HS2ST1: variants seen among roughly 807,000 people sequenced by gnomAD.
The protein encoded by HS2ST1 is 2-O-sulfotransferase.
In HS2ST1, 18 loss-of-function variants were observed where a neutral mutation model predicts 42.9. That is an observed-to-expected ratio of 0.42 (90% CI 0.29 to 0.62). The LOEUF is 0.62. HS2ST1 is among the 20% of genes least tolerant of loss of function. HS2ST1 has a pLI of 0.21. For synonymous variants in HS2ST1, 146 were observed against 152.9 expected (o/e 0.95, Z 0.33); for missense variants, 334 against 433.8 (o/e 0.77, Z 2.04).
At chr1:87,026,896 A>G (rs112299892) in intron 1 of HS2ST1, among the ~76,000 whole-genome samples, 15 of 152,218 alleles carry the variant, frequency 9.9e-5, no homozygotes, top group African/African-American at 3.6e-4. Flanking sequence ...GGACCCATTC[A>G]TTAAGATATT....
chr1:87,097,903 C>T lies in HS2ST1; in HGVS notation c.654C>T (p.Ile218=). Residue 218 remains isoleucine, a synonymous_variant, in exon 5 of 7, where the codon ATC becomes ATT. Transcript: ENST00000370550. ...CTCCAGAGAAGCTCTGGCTTCAAAT[C>T]CCGTTCTTCTGTGGCCATAGCTCCG... The part of the protein sequence containing the change: ...DCAPEKLWLQ[I]PFFCGHSSEC... 1 of 1,614,006 alleles carries T rather than the reference C, an allele frequency of 6.2e-7. No individual in the cohort carries two copies. Among genetic ancestry groups the T allele is most frequent in the Non-Finnish European group, 8.5e-7 (1 of 1,179,892 alleles).
intron 1 of HS2ST1, among the ~76,000 whole-genome samples, chr1:87,053,181 T>C (rs561417339): frequency 2.0e-5 from 3 of 152,224 alleles, no homozygotes; most frequent in Non-Finnish European, 4.4e-5. Flanking sequence ...TTACTTCTTA[T>C]TCTTTTTACT....
chr1:86,991,642 T>C (rs1648955218), intron 1 of HS2ST1, among the ~76,000 whole-genome samples: 1 of 152,224 alleles, frequency 6.6e-6, no homozygotes, highest in South Asian at 2.1e-4. Context: ...ATATTTGAGT[T>C]AAACATACTA....
intron 1 of HS2ST1, among the ~76,000 whole-genome samples, chr1:86,980,828 A>G (rs991167750): frequency 6.6e-6 from 1 of 152,214 alleles, no homozygotes; most frequent in Non-Finnish European, 1.5e-5. Context: ...GTATTTATTA[A>G]CGGAAAATTG....
At chr1:86,976,702 T>TTCTATATATATATATATATATA (rs1553134330) in intron 1 of HS2ST1, among the ~76,000 whole-genome samples, 1 of 26,794 alleles carries the variant, frequency 3.7e-5, no homozygotes, top group Admixed American at 6.0e-4. Context: ...CTTTATAAAA[T>TTCTATATATATATATATATATA]TGTATATATA....
At chr1:86,916,347 A>G (rs1660158325) in intron 1 of HS2ST1, among the ~76,000 whole-genome samples, 1 of 152,230 alleles carries the variant, frequency 6.6e-6, no homozygotes, top group Non-Finnish European at 1.5e-5. Flanking sequence ...AACCCTCAGC[A>G]GTGTAATTTA....
chr1:87,021,471 G>T (rs1649949352), intron 1 of HS2ST1, among the ~76,000 whole-genome samples: 1 of 152,092 alleles, frequency 6.6e-6, no homozygotes, highest in Admixed American at 6.5e-5. Context: ...ATTAAATAAG[G>T]CTTATCTGAT....
intron 1 of HS2ST1, among the ~76,000 whole-genome samples, chr1:86,983,020 C>T (rs1648643317): frequency 6.6e-6 from 1 of 152,136 alleles, no homozygotes; most frequent in South Asian, 2.1e-4. Flanking sequence ...GCCTGGACCC[C>T]ATTGTCCATA....
rs572985764 is a variant in HS2ST1 at position 87,080,849 on chromosome 1, T to A, written c.364-3345T>A. Among the ~76,000 whole-genome samples, 179 of 152,272 alleles carry A rather than the reference T, an allele frequency of 1.2e-3. 1 individual carries two copies. The highest frequency in any genetic ancestry group is 4.0e-3 in the African/African-American group (168 of 41,564). ...ATCAGAAAGTAACAAGGGGCAGAGC[T>A]CAGCTGGTGCCCACAGAAGGAACGT... is the stretch of plus-strand genomic sequence containing the variant. On this transcript the variant is annotated intron_variant, in intron 2 of 6. Coordinates refer to ENST00000370550, the MANE Select transcript of HS2ST1 (RefSeq NM_012262.4).
At chr1:87,053,764 T>C (rs893732279) in intron 1 of HS2ST1, among the ~76,000 whole-genome samples, 1 of 152,206 alleles carries the variant, frequency 6.6e-6, no homozygotes, top group Non-Finnish European at 1.5e-5. Context: ...AAATGTTTAA[T>C]AGATTAGTAC....
chr1:87,085,894 A>G (rs1651805823), intron 3 of HS2ST1, among the ~76,000 whole-genome samples: 2 of 152,210 alleles, frequency 1.3e-5, no homozygotes, highest in South Asian at 4.1e-4. Flanking sequence ...GAAGAGATTA[A>G]TCTCATTTAT....
At chr1:87,019,321 ATTTC>A (rs1649853436) in intron 1 of HS2ST1, among the ~76,000 whole-genome samples, 3 of 152,230 alleles carry the variant, frequency 2.0e-5, no homozygotes, top group African/African-American at 7.2e-5. Flanking sequence ...ATCCTTGGAT[ATTTC>A]TTAACCATCA....
intron 3 of HS2ST1, among the ~76,000 whole-genome samples, chr1:87,089,811 T>C (rs1249043856): frequency 2.6e-5 from 4 of 152,044 alleles, no homozygotes; most frequent in Non-Finnish European, 4.4e-5. Context: ...TAGATAGTCA[T>C]TTTCCTGGAC....
intron 1 of HS2ST1, among the ~76,000 whole-genome samples, chr1:86,947,510 T>C (rs928923565): frequency 6.6e-6 from 1 of 152,174 alleles, no homozygotes; most frequent in Admixed American, 6.5e-5. Context: ...GTGTTCTGGT[T>C]AATTGGATTT....
chr1:87,027,006 A>G (rs1489038806), intron 1 of HS2ST1, among the ~76,000 whole-genome samples: 1 of 152,204 alleles, frequency 6.6e-6, no homozygotes, highest in Non-Finnish European at 1.5e-5. Context: ...AATAGTCTGA[A>G]GCAGACTGTT....
intron 1 of HS2ST1, among the ~76,000 whole-genome samples, chr1:87,019,401 T>A (rs564787479): frequency 1.6e-4 from 24 of 152,334 alleles, no homozygotes; most frequent in African/African-American, 5.3e-4. Flanking sequence ...ATGTCAGAGT[T>A]TGTATGTTGT....
intron 1 of HS2ST1, among the ~76,000 whole-genome samples, chr1:87,071,210 T>A (rs902891831): frequency 2.6e-5 from 4 of 152,210 alleles, no homozygotes; most frequent in Non-Finnish European, 5.9e-5. Flanking sequence ...GCTCAGAGTG[T>A]ATTCTATATA....
Position 87,069,716 on chromosome 1 carries a change from A to G in HS2ST1, c.125-3218A>G, listed in dbSNP as rs150834932. On this transcript the variant is annotated intron_variant, in intron 1 of 6. Coordinates refer to ENST00000370550, the MANE Select transcript of HS2ST1 (RefSeq NM_012262.4). ...AAAACACTTGAAAAATAGAAAATGC[A>G]TGTAAATACTATTTGAATGAGGAAA... Among the ~76,000 whole-genome samples, 790 of 152,338 alleles carry G rather than the reference A, an allele frequency of 5.2e-3. 4 individuals are homozygous for G. The highest frequency in any genetic ancestry group is 0.024 in the Middle Eastern group (7 of 294).
rs190558213 is a variant in HS2ST1, at chr1:87,081,319, A to G, written c.364-2875A>G. ...TAGACCATATGTTAAGTCACAAAACAAGTCTTTAAAAGTTCAAAAAAAAAT... is the reference window on the plus strand; with the variant it reads ...TAGACCATATGTTAAGTCACAAAACGAGTCTTTAAAAGTTCAAAAAAAAAT... On this transcript the variant is annotated intron_variant, in intron 2 of 6. Coordinates refer to ENST00000370550, the MANE Select transcript of HS2ST1 (RefSeq NM_012262.4). 6.6e-5 allele frequency among the ~76,000 whole-genome samples: 10 copies of G among 152,324 alleles called. 1 individual carries two copies. The Middle Eastern group carries it at 0.01, about 155-fold the overall frequency.
Sources: gnomAD v4.1 joint callset for allele counts (sites outside exome capture counted in the v4.1 genomes callset) on GRCh38, gnomAD v4.1.1 for gene constraint, MANE v1.5 for transcripts, NCBI Gene and HGNC (gene_info 2026-07-23, HGNC 2026-07-21) for gene names.